Variants in COL23A1 observed in about 807,000 individuals in gnomAD.
COL23A1 encodes collagen type XXIII alpha 1 chain.
A neutral mutation model predicts 99.3 loss-of-function variants in COL23A1; 97 were observed. The ratio of observed to expected loss-of-function variants is 0.98; its 90% confidence interval spans 0.83 to 1.16. The LOEUF (loss-of-function observed/expected upper bound fraction) is 1.16. Among genes scored for constraint, COL23A1 ranks in the 50% most tolerant of loss-of-function variants. The pLI, the probability that COL23A1 is intolerant of heterozygous loss-of-function variation, is 0.00. For synonymous variants in COL23A1, 320 were observed against 308.2 expected (o/e 1.04, Z -0.40); for missense variants, 762 against 757.4 (o/e 1.01, Z -0.07).
chr5:178,481,870 C>T (rs1757357790), intron 2 of COL23A1, among the ~76,000 whole-genome samples: 1 of 110,514 alleles, frequency 9.0e-6, no homozygotes, highest in Non-Finnish European at 1.7e-5. Context: ...CCAGGCCTGT[C>T]ATGGGGTCGG....
intron 2 of COL23A1, among the ~76,000 whole-genome samples, chr5:178,522,257 G>T (rs765830849): frequency 1.3e-5 from 2 of 152,156 alleles, no homozygotes; most frequent in Non-Finnish European, 2.9e-5. Context: ...TAATTTGGGG[G>T]CAGGAGAGAG....
chr5:178,466,292 G>A lies in COL23A1; in HGVS notation c.361+94390C>T, dbSNP rs532851057. ...ATGCATCTGCAGAGCACAGAGCAGC[G>A]CTTGCTAGCCACTGGTAGTAGCAAT... On this transcript the variant is annotated intron_variant, in intron 2 of 28. Coordinates refer to ENST00000390654, the MANE Select transcript of COL23A1 (RefSeq NM_173465.4). Among the ~76,000 whole-genome samples, 13 of 152,304 alleles carry A rather than the reference G, an allele frequency of 8.5e-5. No homozygotes were observed. In the South Asian group the frequency reaches 2.5e-3, roughly 29 times the overall value.
chr5:178,542,245 G>T (rs1761331350), intron 2 of COL23A1, among the ~76,000 whole-genome samples: 1 of 152,156 alleles, frequency 6.6e-6, no homozygotes. Context: ...TTAGAGACGG[G>T]GTTTTGCCAC....
At chr5:178,501,046 G>C (rs551371327) in intron 2 of COL23A1, among the ~76,000 whole-genome samples, 54 of 152,310 alleles carry the variant, frequency 3.5e-4, no homozygotes, top group African/African-American at 1.2e-3. Flanking sequence ...AGATGGAGTA[G>C]ATATAGTTTT....
intron 2 of COL23A1, among the ~76,000 whole-genome samples, chr5:178,506,003 G>A (rs1758848453): frequency 6.6e-6 from 1 of 152,150 alleles, no homozygotes; most frequent in Non-Finnish European, 1.5e-5. Context: ...TGGCTGTTGG[G>A]GCCTTCAGAC....
At chr5:178,550,329 C>T (rs1434100186) in intron 2 of COL23A1, among the ~76,000 whole-genome samples, 3 of 152,094 alleles carry the variant, frequency 2.0e-5, no homozygotes, top group Admixed American at 2.0e-4. Flanking sequence ...CATTTGGGAC[C>T]GGATAGTTCT....
At chr5:178,583,082 A>G (rs1763744873) in intron 1 of COL23A1, among the ~76,000 whole-genome samples, 1 of 152,202 alleles carries the variant, frequency 6.6e-6, no homozygotes, top group African/African-American at 2.4e-5. Flanking sequence ...CTGTCTGTAC[A>G]TCTCATGAGG....
Position 178,327,831 on chromosome 5 carries a change from C to A in COL23A1, c.362-20912G>T, listed in dbSNP as rs143741852. Reference sequence around the variant, plus strand: ...TCCGACTATTTGGGGTCAGGACTCTCCCTGCGCCCCACACAGCTCAGAGCT... The same window carrying A: ...TCCGACTATTTGGGGTCAGGACTCTACCTGCGCCCCACACAGCTCAGAGCT... On this transcript the variant is annotated intron_variant, in intron 2 of 28. Transcript: ENST00000390654. Among the ~76,000 whole-genome samples, 129 of 152,300 alleles carry A rather than the reference C, an allele frequency of 8.5e-4. 2 individuals are homozygous for A. Among genetic ancestry groups the A allele is most frequent in the Non-Finnish European group, 1.5e-3 (105 of 68,024 alleles).
Position 178,346,286 on chromosome 5 carries a change from T to A in COL23A1, c.362-39367A>T, listed in dbSNP as rs375172511. ...TTTCGTTCTGTCGCCCAGGCTGGAG[T>A]GCATTGGTGCGATCTCGGCTCACTG... On this transcript the variant is annotated intron_variant, in intron 2 of 28. Transcript: ENST00000390654. Among the ~76,000 whole-genome samples, 31 of 152,294 alleles carry A rather than the reference T, an allele frequency of 2.0e-4. 1 individual carries two copies. The South Asian group carries it at 5.8e-3, about 28-fold the overall frequency.
Position 178,268,722 on chromosome 5 carries a change from T to A in COL23A1, c.495+8A>T. The A allele has an allele frequency of 6.2e-7, 1 of 1,603,702 alleles. No homozygotes were observed. The highest frequency in any genetic ancestry group is 8.5e-7 in the Non-Finnish European group (1 of 1,173,434). ...TACCACATCTGCACAGCCTCTGGCA[T>A]CACTTACCTTTTCCCCTTTCGGGCC... is the stretch of plus-strand genomic sequence containing the variant. On this transcript the variant is annotated splice_region_variant and intron_variant, in intron 7 of 28. Transcript: ENST00000390654.
Position 178,434,688 on chromosome 5 carries a change from T to C in COL23A1, c.361+125994A>G, listed in dbSNP as rs898970144. ...GCTGAGGGAGGGAAGAATCTGACCC[T>C]ACCTGTGCCCCTCTAGAGGCCGGTG... On this transcript the variant is annotated intron_variant, in intron 2 of 28. Transcript: ENST00000390654. This position sits in a 1 kb window ranked among gnomAD's most constrained non-coding sequence, Gnocchi z 4.3. Among the ~76,000 whole-genome samples, 9 of 152,196 alleles carry C rather than the reference T, an allele frequency of 5.9e-5. No individual in the cohort carries two copies. Among genetic ancestry groups the C allele is most frequent in the African/African-American group, 2.2e-4 (9 of 41,456 alleles).
chr5:178,414,475 A>G lies in COL23A1; in HGVS notation c.362-107556T>C, dbSNP rs564313279. ...CTTCTCCAAAGGCAGGTAAATGTGTAAAAAAAGGCAACCAGGGCCGGTGTG... is the reference window on the plus strand; with the variant it reads ...CTTCTCCAAAGGCAGGTAAATGTGTGAAAAAAGGCAACCAGGGCCGGTGTG... On this transcript the variant is annotated intron_variant, in intron 2 of 28. Coordinates refer to ENST00000390654, the MANE Select transcript of COL23A1 (RefSeq NM_173465.4). Among the ~76,000 whole-genome samples, 3 of 136,380 alleles carry G rather than the reference A, an allele frequency of 2.2e-5. No individual in the cohort carries two copies. The East Asian group carries it at 5.8e-4, about 26-fold the overall frequency. 89.5% of individuals were successfully genotyped at this position (136,380 alleles called of 152,430 possible). A position where few individuals can be genotyped will look rare whatever the true frequency, so the allele number is the denominator to read the frequency against.
intron 1 of COL23A1, among the ~76,000 whole-genome samples, chr5:178,579,396 C>T (rs926341679): frequency 6.6e-6 from 1 of 152,178 alleles, no homozygotes; most frequent in Non-Finnish European, 1.5e-5. Flanking sequence ...TACCGGAGGT[C>T]ACACAGCTGG....
At chr5:178,257,840 C>A (rs1301485760) in intron 12 of COL23A1, among the ~76,000 whole-genome samples, 1 of 152,246 alleles carries the variant, frequency 6.6e-6, no homozygotes, top group East Asian at 1.9e-4. Flanking sequence ...ATTCATTCCC[C>A]CTGTGGGCCA....
chr5:178,244,349 G>C (rs1764563125), intron 25 of COL23A1, among the ~76,000 whole-genome samples: 1 of 152,034 alleles, frequency 6.6e-6, no homozygotes, highest in South Asian at 2.1e-4. Flanking sequence ...CCTGCATCTG[G>C]GCCTATGTCC....
chr5:178,242,232 G>A (rs952810160), intron 26 of COL23A1, 104 bp from the exon 27 acceptor site: 13 of 1,461,744 alleles, frequency 8.9e-6, no homozygotes, highest in Middle Eastern at 1.7e-4. Flanking sequence ...CCCTGCCTCC[G>A]CCCACCTGCC....
intron 2 of COL23A1, among the ~76,000 whole-genome samples, chr5:178,444,774 C>A (rs955403347): frequency 6.6e-6 from 1 of 151,980 alleles, no homozygotes. Flanking sequence ...CCAACCTGGG[C>A]GACAGAGTGA....
chr5:178,280,026 C>T lies in COL23A1; in HGVS notation c.441+8298G>A, dbSNP rs1335141471. On this transcript the variant is annotated intron_variant, in intron 5 of 28. Transcript: ENST00000390654. This position sits in a 1 kb window ranked among gnomAD's most constrained non-coding sequence, Gnocchi z 4.9. Reference sequence around the variant, plus strand: ...CCGTATCCCAAATGCCGAAGCGCCTCGTACATAACGAGAACACAGTAAATA... The same window carrying T: ...CCGTATCCCAAATGCCGAAGCGCCTTGTACATAACGAGAACACAGTAAATA... Among the ~76,000 whole-genome samples, 3 of 152,240 alleles carry T rather than the reference C, an allele frequency of 2.0e-5. No homozygotes were observed. Among genetic ancestry groups the T allele is most frequent in the Admixed American group, 1.3e-4 (2 of 15,290 alleles).
At chr5:178,532,082 G>A (rs1030200306) in intron 2 of COL23A1, among the ~76,000 whole-genome samples, 2 of 152,202 alleles carry the variant, frequency 1.3e-5, no homozygotes, top group East Asian at 1.9e-4. Flanking sequence ...ATCTGCCGAC[G>A]TGGGCAGAGC....
Sources: gnomAD v4.1 joint callset for allele counts (sites outside exome capture counted in the v4.1 genomes callset) on GRCh38, gnomAD v4.1.1 for gene constraint, Gnocchi (gnomAD v3.1) non-coding constraint, MANE v1.5 for transcripts, NCBI Gene and HGNC (gene_info 2026-07-23, HGNC 2026-07-21) for gene names.